FAM83H: variants seen among roughly 807,000 people sequenced by gnomAD.
FAM83H encodes the protein scaffolding CK1 anchoring protein H, also known as protein FAM83H.
In FAM83H, 24 loss-of-function variants were observed where a neutral mutation model predicts 30.2. That is an observed-to-expected ratio of 0.79 (90% CI 0.57 to 1.12). The LOEUF (loss-of-function observed/expected upper bound fraction) is 1.12. FAM83H is among the 50% of genes most tolerant of loss of function. FAM83H has a pLI of 0.00. For missense variants in FAM83H, 2,038 were observed against 1,773.9 expected (o/e 1.15, Z -2.67); for synonymous variants, 1,013 against 821.7 (o/e 1.23, Z -3.98).
chr8:143,730,798 G>T (rs1818490816), intron 1 of FAM83H, among the ~76,000 whole-genome samples: 1 of 152,170 alleles, frequency 6.6e-6, no homozygotes, highest in African/African-American at 2.4e-5. Context: ...TAGCTGAGGG[G>T]ACACTGGCAG....
chr8:143,727,651 TG>T lies in FAM83H; in HGVS notation c.1809del (p.Met604TrpfsTer69). On this transcript the variant is annotated frameshift_variant, in exon 5 of 5. Transcript: ENST00000388913. LOFTEE classifies it low-confidence loss of function (END_TRUNC). ...EDGGDDGLPA[P>X]MEAEAYEDDV... ...TCGTCTTCGTAAGCCTCCGCTTCCA[TG>T]GGCGCCGGTAGGCCGTCGTCGCCCC... is the stretch of plus-strand genomic sequence containing the variant. 6.3e-7 allele frequency: 1 copy of T among 1,576,382 alleles called. No homozygotes were observed.
intron 1 of FAM83H, chr8:143,732,611 A>G (rs782456808): frequency 3.0e-6 from 3 of 985,404 alleles, no homozygotes; most frequent in Non-Finnish European, 3.6e-6. Flanking sequence ...CCCCGTGGCC[A>G]GGAGCCCTCC....
Position 143,726,087 on chromosome 8 carries a change from C to A in FAM83H, c.3374G>T (p.Ser1125Ile), listed in dbSNP as rs1818278151. The change falls in exon 5 of 5, where the codon AGC becomes ATC. Residue 1125 changes from serine (S) to isoleucine (I), a missense_variant. By Grantham distance (142) the Ser-to-Ile change is moderately radical. Coordinates refer to ENST00000388913, the MANE Select transcript of FAM83H (RefSeq NM_198488.5). ...GTACACGCGCTTCTCCTTGCGCATG[C>A]TCTCCATGCGGCGCAGCAGCCGATC... ...ERDRLLRRME[S>I]MRKEKRVYSR... The A allele has an allele frequency of 1.9e-6, 3 of 1,611,780 alleles. No individual in the cohort carries two copies. Among genetic ancestry groups the A allele is most frequent in the Non-Finnish European group, 2.5e-6 (3 of 1,179,566 alleles).
In FAM83H at chr8:143,733,511, G is replaced by A. The variant is rs1818607381; in HGVS notation, c.-16+180C>T. On this transcript the variant is annotated intron_variant, in intron 1 of 4. Transcript: ENST00000388913. This position sits in a 1 kb window ranked among gnomAD's most constrained non-coding sequence, Gnocchi z 5.6. ...ATCCGCACAGCGGCGCCCCCTGTCC[G>A]AGCAGCCCCGCCACCCCGGCCCCGC... 6.6e-6 allele frequency among the ~76,000 whole-genome samples: 1 copy of A among 151,854 alleles called. No homozygotes were observed. Among genetic ancestry groups the A allele is most frequent in the African/African-American group, 2.4e-5 (1 of 41,372 alleles).
In FAM83H at chr8:143,725,661, G is replaced by A. The variant is rs1461503416; in HGVS notation, c.*260C>T. ...TGCGCCACGCAAGGCTGACGGTGCAGAGATGAAGGTGCTGAGGGGAGAAAG... is the reference window on the plus strand; with the variant it reads ...TGCGCCACGCAAGGCTGACGGTGCAAAGATGAAGGTGCTGAGGGGAGAAAG... On this transcript the variant is annotated 3_prime_UTR_variant, in exon 5 of 5. Coordinates refer to ENST00000388913, the MANE Select transcript of FAM83H (RefSeq NM_198488.5). 1 of 598,442 alleles carries A rather than the reference G, an allele frequency of 1.7e-6. No homozygotes were observed. Among genetic ancestry groups the A allele is most frequent in the Admixed American group, 3.0e-5 (1 of 33,524 alleles). The allele number at this position is 598,442 out of a possible 1,614,324, so 37.1% of individuals were successfully genotyped here. A position where few individuals can be genotyped will look rare whatever the true frequency, so the allele number is the denominator to read the frequency against.
At chr8:143,730,106 C>A in intron 2 of FAM83H, 30 bp downstream of exon 2, 3 of 1,499,540 alleles carry the variant, frequency 2.0e-6, no homozygotes, top group Non-Finnish European at 2.7e-6. Context: ...AGGCCCCTCC[C>A]CCACTACCCT....
Position 143,728,066 on chromosome 8 carries a change from C to T in FAM83H, c.1395G>A (p.Thr465=). 1.2e-6 allele frequency: 2 copies of T among 1,610,344 alleles called. No individual in the cohort carries two copies. The highest frequency in any genetic ancestry group is 1.7e-6 in the Non-Finnish European group (2 of 1,179,288). ...CGAACAGGCCTTGCGGGCGCGCCGG[C>T]GTGAGCTGCGGGTCCCACTGGTACT... is the stretch of plus-strand genomic sequence containing the variant. ...QQQYQWDPQL[T]PARPQGLFEK... is the part of the protein sequence containing the mutation. The change falls in exon 5 of 5, where the codon ACG becomes ACA. Residue 465 remains threonine (T), a synonymous_variant. Transcript: ENST00000388913.
At chr8:143,730,881 G>T (rs997283531) in intron 1 of FAM83H, among the ~76,000 whole-genome samples, 1 of 152,142 alleles carries the variant, frequency 6.6e-6, no homozygotes, top group Admixed American at 6.5e-5. Context: ...ACTGCTTGAA[G>T]CCAGGAGTTT....
Position 143,726,552 on chromosome 8 carries a change from C to G in FAM83H, c.2909G>C (p.Arg970Thr). 2 of 1,604,030 alleles carry G rather than the reference C, an allele frequency of 1.2e-6. No individual in the cohort carries two copies. Among genetic ancestry groups the G allele is most frequent in the Non-Finnish European group, 1.7e-6 (2 of 1,178,874 alleles). The stretch of plus-strand genomic sequence containing the variant: ...CTCGCCCTTGGGGCTCAGCAGCTGC[C>G]TAAGACGCAAGGAGCCTTTGCGCAG... ...EVLRKGSLRL[R>T]QLLSPKGERR... Residue 970 changes from arginine to threonine, a missense_variant, in exon 5 of 5, where the codon AGG becomes ACG. Physicochemically the swap from Arg to Thr is moderately conservative, Grantham distance 71. Transcript: ENST00000388913.
rs1818198296 is a variant in FAM83H at position 143,724,120 on chromosome 8, C to G, written c.*1801G>C. Reference sequence around the variant, plus strand: ...GGCAGCACCAAGAATAACATGCCCACAAGAACATCATGGCCAAGAGACGCA... The same window carrying G: ...GGCAGCACCAAGAATAACATGCCCAGAAGAACATCATGGCCAAGAGACGCA... On this transcript the variant is annotated 3_prime_UTR_variant, in exon 5 of 5. Coordinates refer to ENST00000388913, the MANE Select transcript of FAM83H (RefSeq NM_198488.5). 6.6e-6 allele frequency: 1 copy of G among 152,286 alleles called. No individual in the cohort carries two copies. 9.4% of individuals were successfully genotyped at this position (152,286 alleles called of 1,614,324 possible). A position where few individuals can be genotyped will look rare whatever the true frequency, so the allele number is the denominator to read the frequency against.
Position 143,726,259 on chromosome 8 carries a change from T to C in FAM83H, c.3202A>G (p.Ser1068Gly). 1 of 1,612,214 alleles carries C rather than the reference T, an allele frequency of 6.2e-7. No individual in the cohort carries two copies. Among genetic ancestry groups the C allele is most frequent in the African/African-American group, 1.3e-5 (1 of 75,020 alleles). ...PAPSPGPTHNSPELGRPPAAG... is the reference protein window; with the variant it reads ...PAPSPGPTHNGPELGRPPAAG... ...GCCGGTGGACGGCCTAGCTCGGGGC[T>C]GTTGTGGGTCGGGCCGGGGCTCGGG... Residue 1068 changes from serine to glycine, a missense_variant, in exon 5 of 5, where the codon AGC (serine) becomes GGC (glycine). Transcript: ENST00000388913.
Position 143,725,152 on chromosome 8 carries a change from GA to G in FAM83H, c.*768del, listed in dbSNP as rs1818234925. 9.2e-6 allele frequency: 1 copy of G among 108,552 alleles called. No homozygotes were observed. Among genetic ancestry groups the G allele is most frequent in the Non-Finnish European group, 2.0e-5 (1 of 49,400 alleles). The allele number at this position is 108,552 out of a possible 1,614,324, so 6.7% of individuals were successfully genotyped here. On this transcript the variant is annotated 3_prime_UTR_variant, in exon 5 of 5. Coordinates refer to ENST00000388913, the MANE Select transcript of FAM83H (RefSeq NM_198488.5). ...AGTGAAGCCCAGGCGGGGGAGGGGG[GA>G]GACGGGGGGGGGGGGGGGGGAGGGA...
rs1267051470 is a variant in FAM83H, at chr8:143,728,613, G to A, written c.848C>T (p.Pro283Leu). The A allele has an allele frequency of 1.2e-6, 2 of 1,609,710 alleles. No homozygotes were observed. The highest frequency in any genetic ancestry group is 2.2e-5 in the East Asian group (1 of 44,844). ...CAGGGCCGCGGCCGAGGGCACAAGC[G>A]GCTCGGACTGCGCGAAGAGGATGCG... ...EFRILFAQSEPLVPSAAALAR... is the reference protein window; with the variant it reads ...EFRILFAQSELLVPSAAALAR... Residue 283 changes from proline (P) to leucine (L), a missense_variant, in exon 5 of 5, where the codon CCG becomes CTG. Transcript: ENST00000388913.
Position 143,727,670 on chromosome 8 carries a change from G to GTCGCCCCCATCC in FAM83H, c.1779_1790dup (p.Glu593_Gly596dup), listed in dbSNP as rs1563759117. 1.3e-6 allele frequency: 2 copies of GTCGCCCCCATCC among 1,569,710 alleles called. No homozygotes were observed. The highest frequency in any genetic ancestry group is 2.3e-5 in the East Asian group (1 of 42,692). Reference sequence around the variant, plus strand: ...CTTCCATGGGCGCCGGTAGGCCGTCGTCGCCCCCATCCTCGCCGTGGCAGC... The same window carrying GTCGCCCCCATCC: ...CTTCCATGGGCGCCGGTAGGCCGTCGTCGCCCCCATCCTCGCCCCCATCCTCGCCGTGGCAGC... On this transcript the variant is annotated inframe_insertion, in exon 5 of 5. Transcript: ENST00000388913.
At chr8:143,732,781 A>T in intron 1 of FAM83H, 1 of 973,242 alleles carries the variant, frequency 1.0e-6, no homozygotes, top group Non-Finnish European at 1.2e-6. Context: ...GCATGCCCAC[A>T]CATTTGCCTA....
Position 143,727,407 on chromosome 8 carries a change from G to A in FAM83H, c.2054C>T (p.Ser685Leu), listed in dbSNP as rs1012924563. 8 of 1,571,684 alleles carry A rather than the reference G, an allele frequency of 5.1e-6. No individual in the cohort carries two copies. Among genetic ancestry groups the A allele is most frequent in the African/African-American group, 1.3e-5 (1 of 74,470 alleles). ...LVQRSSRLRS[S>L]LIFSTSQAEG... Reference sequence around the variant, plus strand: ...GGCCTGTGACGTGCTGAAGATGAGCGAGGAGCGCAGCCTGGAGCTGCGCTG... The same window carrying A: ...GGCCTGTGACGTGCTGAAGATGAGCAAGGAGCGCAGCCTGGAGCTGCGCTG... The change falls in exon 5 of 5, where the codon TCG becomes TTG. Residue 685 changes from serine to leucine, a missense_variant. Physicochemically the swap from Ser to Leu is moderately radical, Grantham distance 145. Coordinates refer to ENST00000388913, the MANE Select transcript of FAM83H (RefSeq NM_198488.5).
In FAM83H at chr8:143,728,110, C is replaced by A; in HGVS notation, c.1351G>T (p.Asp451Tyr). 6.2e-7 allele frequency: 1 copy of A among 1,611,080 alleles called. No homozygotes were observed. Among genetic ancestry groups the A allele is most frequent in the Non-Finnish European group, 8.5e-7 (1 of 1,179,290 alleles). ...TGGTACTGCTGCTGGTAGAGCTGGT[C>A]ACGGTGGAAGTGGCTGGTCTGGAAG... ...FRFQTSHFHR[D>Y]QLYQQQYQWD... The change falls in exon 5 of 5, where the codon GAC (aspartate) becomes TAC (tyrosine). Residue 451 changes from aspartate (D) to tyrosine (Y), a missense_variant. Asp to Tyr is a radical substitution (Grantham distance 160). Coordinates refer to ENST00000388913, the MANE Select transcript of FAM83H (RefSeq NM_198488.5).
At position 143,726,088 on chromosome 8, in the gene FAM83H, T is replaced by G; in HGVS notation, c.3373A>C (p.Ser1125Arg). 4 of 1,611,702 alleles carry G rather than the reference T, an allele frequency of 2.5e-6. No homozygotes were observed. The South Asian group carries it at 4.4e-5, about 18-fold the overall frequency. The part of the protein sequence containing the change: ...ERDRLLRRME[S>R]MRKEKRVYSR... ...TACACGCGCTTCTCCTTGCGCATGC[T>G]CTCCATGCGGCGCAGCAGCCGATCG... The change falls in exon 5 of 5, where the codon AGC becomes CGC. Residue 1125 changes from serine (S) to arginine (R), a missense_variant. Transcript: ENST00000388913.
Position 143,727,144 on chromosome 8 carries a change from C to G in FAM83H, c.2317G>C (p.Val773Leu), listed in dbSNP as rs1232957074. Residue 773 changes from valine to leucine, a missense_variant, in exon 5 of 5, where the codon GTG (valine) becomes CTG (leucine). Val to Leu is a conservative substitution (Grantham distance 32, BLOSUM62 1). Coordinates refer to ENST00000388913, the MANE Select transcript of FAM83H (RefSeq NM_198488.5). ...AVVSQAWREE[V>L]AAPGAVGGER... is the part of the protein sequence containing the mutation. ...CCCCCCACGGCACCTGGGGCCGCCA[C>G]CTCTTCCCGCCACGCCTGGGACACG... is the stretch of plus-strand genomic sequence containing the variant. 1 of 1,534,258 alleles carries G rather than the reference C, an allele frequency of 6.5e-7. No homozygotes were observed. The highest frequency in any genetic ancestry group is 8.7e-7 in the Non-Finnish European group (1 of 1,146,100).
Sources: gnomAD v4.1 joint callset for allele counts (sites outside exome capture counted in the v4.1 genomes callset) on GRCh38, gnomAD v4.1.1 for gene constraint, Gnocchi (gnomAD v3.1) non-coding constraint, MANE v1.5 for transcripts, NCBI Gene and HGNC (gene_info 2026-07-23, HGNC 2026-07-21) for gene names.